The following KCTD14 variants were observed in gnomAD, a reference collection of about 807,000 sequenced individuals.
The protein encoded by KCTD14 is BTB/POZ domain-containing protein KCTD14.
In KCTD14, 7 loss-of-function variants were observed where a neutral mutation model predicts 5.9. The ratio of observed to expected loss-of-function variants is 1.19; its 90% CI spans 0.68 to 2.23. KCTD14 has a LOEUF of 2.23. Among genes scored for constraint, KCTD14 ranks in the 30% most tolerant of loss-of-function variants. The pLI is 0.00. For missense variants in KCTD14, 342 were observed against 332.2 expected (o/e 1.03, Z -0.23); for synonymous variants, 140 against 133.1 (o/e 1.05, Z -0.36).
intron 1 of KCTD14, among the ~76,000 whole-genome samples, chr11:78,019,252 G>T (rs568926798): frequency 6.1e-4 from 93 of 152,014 alleles, no homozygotes; most frequent in Non-Finnish European, 1.2e-3. Flanking sequence ...GACCTCAAGT[G>T]ATCTGCCCAC....
intron 1 of KCTD14, among the ~76,000 whole-genome samples, chr11:78,042,576 T>C (rs1858023746): frequency 6.6e-6 from 1 of 152,162 alleles, no homozygotes; most frequent in Admixed American, 6.5e-5. Flanking sequence ...ACGAGATTGA[T>C]TTGAGTAATA....
chr11:78,019,598 C>T (rs547279666), intron 1 of KCTD14, among the ~76,000 whole-genome samples: 1 of 152,260 alleles, frequency 6.6e-6, no homozygotes, highest in African/African-American at 2.4e-5. Context: ...ATTACAGATG[C>T]AAGCCACCAC....
chr11:78,032,510 A>G (rs185448553), intron 2 of KCTD14, among the ~76,000 whole-genome samples: 5 of 152,116 alleles, frequency 3.3e-5, no homozygotes, highest in Admixed American at 6.5e-5. Flanking sequence ...AACCACCCCC[A>G]TTTTCCAGGT....
chr11:78,022,092 C>T (rs1857326027), intron 1 of KCTD14, among the ~76,000 whole-genome samples: 1 of 152,166 alleles, frequency 6.6e-6, no homozygotes, highest in Non-Finnish European at 1.5e-5. Context: ...TCTTCCCTTG[C>T]AATTCCCTGT....
At chr11:78,025,291 G>T (rs1857436147), upstream of KCTD14, among the ~76,000 whole-genome samples, 1 of 151,692 alleles carries the variant, frequency 6.6e-6, no homozygotes, top group Non-Finnish European at 1.5e-5. Flanking sequence ...AAGGCAGGAA[G>T]CATCCAGCAC....
intron 2 of KCTD14, among the ~76,000 whole-genome samples, chr11:78,036,161 AAAAAAC>A (rs1857795186): frequency 6.6e-6 from 1 of 152,128 alleles, no homozygotes; most frequent in African/African-American, 2.4e-5. Context: ...TGTCTCAAAA[AAAAAAC>A]AAAAGAGTCC....
At chr11:78,033,492 G>C (rs1857687990) in intron 2 of KCTD14, among the ~76,000 whole-genome samples, 1 of 151,968 alleles carries the variant, frequency 6.6e-6, no homozygotes, top group African/African-American at 2.4e-5. Context: ...GACCAGCCTG[G>C]CCAACATGGT....
chr11:78,030,235 A>G (rs1857577772), intron 2 of KCTD14, among the ~76,000 whole-genome samples: 2 of 152,144 alleles, frequency 1.3e-5, no homozygotes, highest in Non-Finnish European at 2.9e-5. Flanking sequence ...TCAGTTTTCC[A>G]GTGACATTAG....
At chr11:78,022,960 G>A in intron 1 of KCTD14, 200 bp downstream of exon 1, 1 of 543,270 alleles carries the variant, frequency 1.8e-6, no homozygotes, top group South Asian at 2.4e-5. Flanking sequence ...ACACCGAGGC[G>A]CGAAAGGAGA....
chr11:78,044,063 G>A (rs965478816), intron 1 of KCTD14, among the ~76,000 whole-genome samples: 2 of 152,158 alleles, frequency 1.3e-5, no homozygotes, highest in African/African-American at 4.8e-5. Context: ...TGACCACAAA[G>A]AGAGGCGACA....
chr11:78,043,569 G>A (rs188982208), intron 1 of KCTD14, among the ~76,000 whole-genome samples: 88 of 152,302 alleles, frequency 5.8e-4, no homozygotes, highest in African/African-American at 2.0e-3. Context: ...AGAATCCTTC[G>A]TGACAGGGCT....
At chr11:78,032,026 T>G (rs969675328) in intron 2 of KCTD14, among the ~76,000 whole-genome samples, 5 of 152,184 alleles carry the variant, frequency 3.3e-5, no homozygotes, top group African/African-American at 1.2e-4. Flanking sequence ...AATTCTTTAT[T>G]TAGAAGCAAG....
At chr11:78,030,904 C>T (rs1857593749) in intron 2 of KCTD14, among the ~76,000 whole-genome samples, 1 of 152,182 alleles carries the variant, frequency 6.6e-6, no homozygotes. Flanking sequence ...CTCTTCCCCT[C>T]CCTCTGCTCC....
chr11:78,031,384 T>C (rs1857610924), intron 2 of KCTD14, among the ~76,000 whole-genome samples: 1 of 151,978 alleles, frequency 6.6e-6, no homozygotes, highest in East Asian at 1.9e-4. Context: ...TTAAAATTTA[T>C]TTTATTTTTT....
chr11:78,027,523 C>T (rs1338690779), upstream of KCTD14, among the ~76,000 whole-genome samples: 1 of 151,998 alleles, frequency 6.6e-6, no homozygotes, highest in Non-Finnish European at 1.5e-5. Context: ...CCACCACAAC[C>T]AGCTAATTTT....
Position 78,045,843 on chromosome 11 carries a change from C to T in KCTD14, c.-96+218G>A, listed in dbSNP as rs1001786250. Among the ~76,000 whole-genome samples, 8 of 152,268 alleles carry T rather than the reference C, an allele frequency of 5.3e-5. No homozygotes were observed. The East Asian group carries it at 9.7e-4, about 18-fold the overall frequency. ...CCCAAAAGCCCAGAGTACTCAGGTC[C>T]TCCTCAGACGTTGCTGCCCCTACCG... is the stretch of plus-strand genomic sequence containing the variant. On this transcript the variant is annotated intron_variant, in intron 1 of 2. Coordinates refer to the KCTD14 transcript ENST00000533144.
chr11:78,038,620 A>G (rs1233164003), intron 2 of KCTD14: 1 of 1,532,940 alleles, frequency 6.5e-7, no homozygotes. Context: ...ACCATCTCAC[A>G]CAGCCCAGAC....
At chr11:78,042,201 T>C (rs900456135) in intron 1 of KCTD14, among the ~76,000 whole-genome samples, 1 of 152,042 alleles carries the variant, frequency 6.6e-6, no homozygotes, top group African/African-American at 2.4e-5. Context: ...TTGGGAGAAA[T>C]TTCGTTCATA....
intron 2 of KCTD14, among the ~76,000 whole-genome samples, chr11:78,032,391 T>C (rs865929935): frequency 3.9e-5 from 6 of 152,104 alleles, no homozygotes; most frequent in South Asian, 2.1e-4. Flanking sequence ...GGCACAGGAG[T>C]CAAGATGCCC....
Sources: gnomAD v4.1 joint callset for allele counts (sites outside exome capture counted in the v4.1 genomes callset) on GRCh38, gnomAD v4.1.1 for gene constraint, MANE v1.5 for transcripts, NCBI Gene and HGNC (gene_info 2026-07-23, HGNC 2026-07-21) for gene names.